Variants in GALNS observed in about 807,000 individuals in gnomAD.
GALNS encodes the protein N-acetylgalactosamine-6-sulfatase.
GALNS carries 65 observed loss-of-function variants against 65.9 expected under a neutral mutation model. The observed-to-expected ratio is 0.99, with a 90% CI of 0.81 to 1.21. The LOEUF is 1.21. GALNS is among the 50% of genes most tolerant of loss of function. The pLI, the probability that GALNS is intolerant of heterozygous loss-of-function variation, is 0.00. For synonymous variants in GALNS, 346 were observed against 288.9 expected, an observed-to-expected ratio of 1.20 and a Z score of -2.00; for missense variants, 776 against 700.7, an observed-to-expected ratio of 1.11 and a Z score of -1.21.
At chr16:88,826,232 ACAGGGGTGGGGCAGG>A (rs1244361260) in intron 10 of GALNS, among the ~76,000 whole-genome samples, 1 of 140,458 alleles carries the variant, frequency 7.1e-6, no homozygotes, top group Non-Finnish European at 1.6e-5. Context: ...CAGGCAGGCA[ACAGGGGTGGGGCAGG>A]CAGGGGTGGC....
At chr16:88,847,538 G>C (rs3784879) in intron 1 of GALNS, among the ~76,000 whole-genome samples, 74,862 of 151,952 alleles carry the variant, frequency 0.49, 20,596 homozygotes, top group African/African-American at 0.74. Flanking sequence ...GGGCTCACCT[G>C]CCCATCGGGC....
At chr16:88,835,996 C>A in intron 6 of GALNS, 147 bp from the exon 7 acceptor site, 2 of 1,316,844 alleles carry the variant, frequency 1.5e-6, no homozygotes, top group Non-Finnish European at 2.1e-6. Flanking sequence ...GTGCGGTCCC[C>A]GTCCCCACGC....
In GALNS at chr16:88,835,831, T is replaced by TC. The variant is rs1468285336; in HGVS notation, c.651_652insG (p.Lys218GlufsTer45). On this transcript the variant is annotated frameshift_variant, in exon 7 of 14. Transcript: ENST00000268695. LOFTEE classifies it high-confidence loss of function. Reference sequence around the variant, plus strand: ...AAGGGGTGGTGCCGTGCCTGTCTCTTAATGAAGTCCAGGGCTTCCTATGGA... The same window carrying TC: ...AAGGGGTGGTGCCGTGCCTGTCTCTTCAATGAAGTCCAGGGCTTCCTATGGA... 1.8e-5 allele frequency: 29 copies of TC among 1,614,120 alleles called. No homozygotes were observed. The highest frequency in any genetic ancestry group is 2.3e-5 in the Non-Finnish European group (27 of 1,180,016).
At chr16:88,855,458 G>C (rs1355554131) in intron 1 of GALNS, 1 of 702,722 alleles carries the variant, frequency 1.4e-6, no homozygotes, top group African/African-American at 1.7e-5. Flanking sequence ...GCAGAGAAAG[G>C]CCCGGCTACT....
At position 88,815,294 on chromosome 16, in the gene GALNS, TAGAA is replaced by T. The variant is rs543877821; in HGVS notation, c.1483-773_1483-770del. ...GAGGGCCTCCGAGGGCCAGCAGTGTTAGAAAGGGCAGGCGGTCCTCCCAGGAGGG... is the reference window on the plus strand; with the variant it reads ...GAGGGCCTCCGAGGGCCAGCAGTGTTAGGGCAGGCGGTCCTCCCAGGAGGG... On this transcript the variant is annotated intron_variant, in intron 13 of 13. Coordinates refer to ENST00000268695, the MANE Select transcript of GALNS (RefSeq NM_000512.5). 96 of 985,478 alleles carry T rather than the reference TAGAA, an allele frequency of 9.7e-5. 1 individual carries two copies. The South Asian group carries it at 4.1e-3, about 42-fold the overall frequency. The allele number at this position is 985,478 out of a possible 1,614,324, so 61.0% of individuals were successfully genotyped here. A position where few individuals can be genotyped will look rare whatever the true frequency, so the allele number is the denominator to read the frequency against.
In GALNS at chr16:88,814,467, A is replaced by G; in HGVS notation, c.1541T>C (p.Ile514Thr). Residue 514 changes from isoleucine to threonine, a missense_variant, in exon 14 of 14, where the codon ATT (isoleucine) becomes ACT (threonine). Ile to Thr is a moderately conservative substitution (Grantham distance 89). Transcript: ENST00000268695. The stretch of plus-strand genomic sequence containing the variant: ...GTGGGACCAGAGGCACTTCTTGGGA[A>G]TGGATTCTGGAGGTGTCAGACACTT... ...LGKCLTPPESIPKKCLWSH is the reference protein window; with the variant it reads ...LGKCLTPPESTPKKCLWSH 6.4e-7 allele frequency: 1 copy of G among 1,563,986 alleles called. No individual in the cohort carries two copies. The highest frequency in any genetic ancestry group is 8.7e-7 in the Non-Finnish European group (1 of 1,153,594).
intron 1 of GALNS, chr16:88,843,222 G>A (rs1480755780): frequency 2.3e-6 from 3 of 1,309,996 alleles, no homozygotes; most frequent in South Asian, 2.5e-5. Flanking sequence ...TAAATACACA[G>A]GCCCTCGTAT....
At chr16:88,840,379 GGA>G (rs1303167368) in intron 4 of GALNS, 1 of 156,480 alleles carries the variant, frequency 6.4e-6, no homozygotes, top group East Asian at 1.9e-4. Context: ...TCCAACAAGT[GGA>G]GAGAAATTCG....
chr16:88,831,272 C>A (rs1911480279), intron 9 of GALNS, among the ~76,000 whole-genome samples: 3 of 119,894 alleles, frequency 2.5e-5, no homozygotes, highest in Non-Finnish European at 5.3e-5. Context: ...GCACGGGGTG[C>A]GTGGGGAGGA....
At chr16:88,834,969 G>A (rs891133554) in intron 8 of GALNS, among the ~76,000 whole-genome samples, 5 of 151,712 alleles carry the variant, frequency 3.3e-5, no homozygotes, top group African/African-American at 7.3e-5. Context: ...CCTCTTCCAA[G>A]ACAAACCCTC....
chr16:88,856,495 G>C (rs772775448), intron 1 of GALNS: 8 of 699,072 alleles, frequency 1.1e-5, no homozygotes, highest in Middle Eastern at 3.0e-4. Flanking sequence ...CAGTGGCAGC[G>C]CGTGTGGTGA....
Position 88,822,612 on chromosome 16 carries a change from G to A in GALNS, c.1341C>T (p.Asp447=), listed in dbSNP as rs1910352632. The change falls in exon 12 of 14, where the codon GAC becomes GAT. Residue 447 remains aspartate (D), a synonymous_variant. Coordinates refer to ENST00000268695, the MANE Select transcript of GALNS (RefSeq NM_000512.5). Reference sequence around the variant, plus strand: ...ACCTGAGGGGGAACCTCTCCCCTGGGTCCCGTCCCAGGTGGAAGATCAGGG... The same window carrying A: ...ACCTGAGGGGGAACCTCTCCCCTGGATCCCGTCCCAGGTGGAAGATCAGGG... ...KLPLIFHLGR[D]PGERFPLSFA... is the part of the protein sequence containing the mutation. 3 of 1,612,832 alleles carry A rather than the reference G, an allele frequency of 1.9e-6. No homozygotes were observed. Among genetic ancestry groups the A allele is most frequent in the Non-Finnish European group, 2.5e-6 (3 of 1,179,802 alleles).
intron 1 of GALNS, chr16:88,845,444 C>G (rs570713031): frequency 1.3e-5 from 2 of 151,066 alleles, no homozygotes; most frequent in Non-Finnish European, 2.9e-5. Context: ...GTGCAGCTAC[C>G]CTATCTTAAA....
At chr16:88,851,324 G>A (rs896866544) in intron 1 of GALNS, among the ~76,000 whole-genome samples, 1 of 152,068 alleles carries the variant, frequency 6.6e-6, no homozygotes, top group East Asian at 1.9e-4. Flanking sequence ...GACCAACCTG[G>A]GTCTCACAGA....
chr16:88,830,369 G>A (rs562930599), intron 9 of GALNS, among the ~76,000 whole-genome samples: 2 of 151,924 alleles, frequency 1.3e-5, no homozygotes, highest in African/African-American at 4.8e-5. Context: ...GCAGGGAACA[G>A]AACATCTCCT....
In GALNS at chr16:88,856,840, A is replaced by C. The variant is rs1203477070; in HGVS notation, c.38T>G (p.Leu13Arg). The C allele has an allele frequency of 4.0e-6, 6 of 1,518,210 alleles. No individual in the cohort carries two copies. The African/African-American group carries it at 7.2e-5, about 18-fold the overall frequency. 94.0% of individuals were successfully genotyped at this position (1,518,210 alleles called of 1,614,324 possible). Residue 13 changes from leucine to arginine, a missense_variant, in exon 1 of 14, where the codon CTG becomes CGG. Transcript: ENST00000268695. ...AVVAATRWWQ[L>R]LLVLSAAGMG... is the part of the protein sequence containing the mutation. ...CCCCGCGGCGCTGAGCACCAGCAAC[A>C]GCTGCCACCACCTCGTCGCCGCGAC...
chr16:88,838,044 G>A (rs1157445716), intron 4 of GALNS, among the ~76,000 whole-genome samples: 3 of 152,192 alleles, frequency 2.0e-5, no homozygotes, highest in Non-Finnish European at 4.4e-5. Context: ...GTGGTGCATC[G>A]TGAGGAGCCT....
intron 13 of GALNS, chr16:88,815,849 T>C (rs555812): frequency 1.0e-6 from 1 of 962,956 alleles, no homozygotes; most frequent in African/African-American, 2.0e-5. Flanking sequence ...CAGGGTGTGT[T>C]TGAGTCTGGA....
At chr16:88,826,396 C>T (rs1910924674) in intron 10 of GALNS, among the ~76,000 whole-genome samples, 2 of 137,384 alleles carry the variant, frequency 1.5e-5, no homozygotes, top group South Asian at 4.5e-4. Context: ...GTGGGGCGGG[C>T]AGGGGCGGCA....
Sources: gnomAD v4.1 joint callset for allele counts (sites outside exome capture counted in the v4.1 genomes callset) on GRCh38, gnomAD v4.1.1 for gene constraint, MANE v1.5 for transcripts, NCBI Gene and HGNC (gene_info 2026-07-23, HGNC 2026-07-21) for gene names.